The following ABHD2 variants were observed in gnomAD, a reference collection of about 807,000 sequenced individuals.
ABHD2 encodes abhydrolase domain containing 2, acylglycerol lipase.
In ABHD2, 20 loss-of-function variants were observed where a neutral mutation model predicts 48.1. That is an observed-to-expected ratio of 0.42 (90% confidence interval 0.29 to 0.60). ABHD2 has a LOEUF of 0.60. ABHD2 is among the 20% of genes least tolerant of loss of function. The pLI, the probability that ABHD2 is intolerant of heterozygous loss-of-function variation, is 0.24. For missense variants in ABHD2, 405 were observed against 550.9 expected, an observed-to-expected ratio of 0.74 and a Z score of 2.65; for synonymous variants, 209 against 214.2, an observed-to-expected ratio of 0.98 and a Z score of 0.21.
the ABHD2 span, among the ~76,000 whole-genome samples, chr15:89,068,008 T>C: frequency 1.3e-5 from 2 of 152,172 alleles, no homozygotes; most frequent in Non-Finnish European, 2.9e-5. Flanking sequence ...TTCTTTACCA[T>C]AGAAGAAGGG....
rs1458384757 is a variant in ABHD2, at chr15:89,106,047, CTCACGCCTGTAAT to C, written c.-106-7675_-106-7663del. Among the ~76,000 whole-genome samples the C allele has an allele frequency of 1.3e-5, 2 of 152,160 alleles. No individual in the cohort carries two copies. Among genetic ancestry groups the C allele is most frequent in the East Asian group, 3.9e-4 (2 of 5,180 alleles). ...CCAGAGTATTGGCCAGGTGCAGTAG[CTCACGCCTGTAAT>C]TCCAGCACTTTGGGAGGCCGAGGCA... is the stretch of plus-strand genomic sequence containing the variant. On this transcript the variant is annotated intron_variant, in intron 1 of 10. Transcript: ENST00000352732. The surrounding 1 kb of genome is among the most constrained non-coding windows in gnomAD (Gnocchi z 4.2).
chr15:89,045,896 C>T, the ABHD2 span, among the ~76,000 whole-genome samples: 1 of 152,196 alleles, frequency 6.6e-6, no homozygotes, highest in Non-Finnish European at 1.5e-5. Flanking sequence ...ATTTCCTTCT[C>T]CTGCCTGATT....
At chr15:89,169,116 A>T (rs2050880637) in intron 5 of ABHD2, among the ~76,000 whole-genome samples, 1 of 152,120 alleles carries the variant, frequency 6.6e-6, no homozygotes, top group African/African-American at 2.4e-5. Context: ...AAAAATAATA[A>T]AAGGAATCAA....
At chr15:89,099,141 C>CA (rs757800194) in intron 1 of ABHD2, among the ~76,000 whole-genome samples, 4 of 152,152 alleles carry the variant, frequency 2.6e-5, no homozygotes, top group Non-Finnish European at 4.4e-5. Context: ...TGCACTTTGT[C>CA]AGTAAGTTAG....
At chr15:89,052,969 C>CTTT in the ABHD2 span, among the ~76,000 whole-genome samples, 2 of 138,440 alleles carry the variant, frequency 1.4e-5, no homozygotes, top group Admixed American at 7.3e-5. Flanking sequence ...TGGTGGGCAG[C>CTTT]TTTTTTTTTT....
chr15:89,069,394 C>A, the ABHD2 span, among the ~76,000 whole-genome samples: 1,016 of 152,178 alleles, frequency 6.7e-3, 5 homozygotes, highest in African/African-American at 0.023. Context: ...TTCCAAGTAA[C>A]TGGGATTACA....
At position 89,176,505 on chromosome 15, in the gene ABHD2, T is replaced by A. The variant is rs2051015920; in HGVS notation, c.722+510T>A. 6.6e-6 allele frequency among the ~76,000 whole-genome samples: 1 copy of A among 152,114 alleles called. No individual in the cohort carries two copies. The highest frequency in any genetic ancestry group is 1.5e-5 in the Non-Finnish European group (1 of 68,024). On this transcript the variant is annotated intron_variant, in intron 6 of 10. Transcript: ENST00000352732. The surrounding 1 kb of genome is among the most constrained non-coding windows in gnomAD (Gnocchi z 4.5). ...TCTCTGTCAGGCATCCCAGGCATCA[T>A]CACAAAGGAGCTGATCTACTGGGTC... is the stretch of plus-strand genomic sequence containing the variant.
rs547687576 is a variant in ABHD2, at chr15:89,137,274, C to T, written c.195-14403C>T. On this transcript the variant is annotated intron_variant, in intron 3 of 10. Transcript: ENST00000352732. This position sits in a 1 kb window ranked among gnomAD's most constrained non-coding sequence, Gnocchi z 4.8. ...CCTAGGGAGGATGTGACCAGTTCCG[C>T]GTGCTGTTTGTGAACAGGAAGATAG... Among the ~76,000 whole-genome samples the T allele has an allele frequency of 1.3e-4, 20 of 152,222 alleles. No homozygotes were observed. The highest frequency in any genetic ancestry group is 4.1e-4 in the African/African-American group (17 of 41,544).
rs551795963 is a variant in ABHD2 at position 89,114,025 on chromosome 15, C to G, written c.-7+201C>G. Among the ~76,000 whole-genome samples the G allele has an allele frequency of 6.6e-6, 1 of 152,320 alleles. No homozygotes were observed. Among genetic ancestry groups the G allele is most frequent in the Non-Finnish European group, 1.5e-5 (1 of 68,036 alleles). On this transcript the variant is annotated intron_variant, in intron 2 of 10. Coordinates refer to ENST00000352732, the MANE Select transcript of ABHD2 (RefSeq NM_152924.5). The surrounding 1 kb of genome is among the most constrained non-coding windows in gnomAD (Gnocchi z 4.2). ...ATGAGGAAGAACTTCTAGTTCAGTTCTGTATTACCAGCATATAGTCAGAGA... is the reference window on the plus strand; with the variant it reads ...ATGAGGAAGAACTTCTAGTTCAGTTGTGTATTACCAGCATATAGTCAGAGA...
intron 5 of ABHD2, among the ~76,000 whole-genome samples, chr15:89,158,264 G>C (rs532969341): frequency 1.3e-4 from 20 of 152,332 alleles, no homozygotes; most frequent in African/African-American, 4.3e-4. Flanking sequence ...TTGGGCAAGG[G>C]CACAGAGCCA....
In ABHD2 at chr15:89,198,334, A is replaced by G. The variant is rs78907291; in HGVS notation, c.*2911A>G. 411 of 152,358 alleles carry G rather than the reference A, an allele frequency of 2.7e-3. No homozygotes were observed. Among genetic ancestry groups the G allele is most frequent in the African/African-American group, 9.6e-3 (401 of 41,580 alleles). 9.4% of individuals were successfully genotyped at this position (152,358 alleles called of 1,614,324 possible). A position where few individuals can be genotyped will look rare whatever the true frequency, so the allele number is the denominator to read the frequency against. On this transcript the variant is annotated 3_prime_UTR_variant, in exon 11 of 11. Transcript: ENST00000352732. The surrounding 1 kb of genome is among the most constrained non-coding windows in gnomAD (Gnocchi z 5.1). The stretch of plus-strand genomic sequence containing the variant: ...CACTCCGTGTCTCATAAGCAATTTG[A>G]AGACACTTACAAGTAACTGATTCCA...
chr15:89,195,371 G>A lies in ABHD2; in HGVS notation c.1226G>A (p.Arg409His), dbSNP rs377476890. ...GCCAACGCCATTTGCCAATGGGAGC[G>A]TAACAAGTTGCAGTGCTCTGACACG... The part of the protein sequence containing the change: ...EYANAICQWE[R>H]NKLQCSDTEQ... Residue 409 changes from arginine (R) to histidine (H), a missense_variant, in exon 11 of 11, where the codon CGT (arginine) becomes CAT (histidine). Transcript: ENST00000352732. This position sits in a 1 kb window ranked among gnomAD's most constrained non-coding sequence, Gnocchi z 5.1. 3.3e-5 allele frequency: 54 copies of A among 1,614,068 alleles called. No individual in the cohort carries two copies. The highest frequency in any genetic ancestry group is 8.8e-5 in the South Asian group (8 of 91,094).
rs184132638 is a variant in ABHD2 at position 89,100,500 on chromosome 15, G to A, written c.-107+11937G>A. Among the ~76,000 whole-genome samples, 1 of 152,042 alleles carries A rather than the reference G, an allele frequency of 6.6e-6. No individual in the cohort carries two copies. The highest frequency in any genetic ancestry group is 2.4e-5 in the African/African-American group (1 of 41,372). On this transcript the variant is annotated intron_variant, in intron 1 of 10. Coordinates refer to ENST00000352732, the MANE Select transcript of ABHD2 (RefSeq NM_152924.5). This position sits in a 1 kb window ranked among gnomAD's most constrained non-coding sequence, Gnocchi z 4.4. Reference sequence around the variant, plus strand: ...GTAGCCTCTCTACCCCACCACCAATGTACATCTACAGAAAGCATCTCAATG... The same window carrying A: ...GTAGCCTCTCTACCCCACCACCAATATACATCTACAGAAAGCATCTCAATG...
chr15:89,063,528 A>T, the ABHD2 span, among the ~76,000 whole-genome samples: 1 of 151,796 alleles, frequency 6.6e-6, no homozygotes, highest in Non-Finnish European at 1.5e-5. Flanking sequence ...TCTCTCTCTC[A>T]CACATGCACA....
rs150079355 is a variant in ABHD2 at position 89,175,970 on chromosome 15, G to A, written c.697G>A (p.Val233Met). 33 of 1,611,998 alleles carry A rather than the reference G, an allele frequency of 2.0e-5. No individual in the cohort carries two copies. In the South Asian group the frequency reaches 2.3e-4, roughly 11 times the overall value. Residue 233 changes from valine to methionine, a missense_variant, in exon 6 of 11, where the codon GTG becomes ATG. By Grantham distance (21) the Val-to-Met change is conservative (BLOSUM62 1). Coordinates refer to ENST00000352732, the MANE Select transcript of ABHD2 (RefSeq NM_152924.5). This position sits in a 1 kb window ranked among gnomAD's most constrained non-coding sequence, Gnocchi z 5.7. ...AGAGAAGGTCCTGTGCTGCGTCAGCGTGTGCCAGGGGTACAGTGCACTGAG... is the reference window on the plus strand; with the variant it reads ...AGAGAAGGTCCTGTGCTGCGTCAGCATGTGCCAGGGGTACAGTGCACTGAG... ...NQEKVLCCVS[V>M]CQGYSALRAQ...
At chr15:89,163,619 T>C (rs1188883618) in intron 5 of ABHD2, among the ~76,000 whole-genome samples, 2 of 152,230 alleles carry the variant, frequency 1.3e-5, no homozygotes, top group Non-Finnish European at 2.9e-5. Flanking sequence ...ACCACCTCTG[T>C]GGTAGTGTTC....
chr15:89,092,957 G>A lies in ABHD2; in HGVS notation c.-107+4394G>A, dbSNP rs1434486338. Among the ~76,000 whole-genome samples, 1 of 152,086 alleles carries A rather than the reference G, an allele frequency of 6.6e-6. No individual in the cohort carries two copies. Among genetic ancestry groups the A allele is most frequent in the Non-Finnish European group, 1.5e-5 (1 of 68,032 alleles). On this transcript the variant is annotated intron_variant, in intron 1 of 10. Coordinates refer to ENST00000352732, the MANE Select transcript of ABHD2 (RefSeq NM_152924.5). The surrounding 1 kb of genome is among the most constrained non-coding windows in gnomAD (Gnocchi z 4.4). ...GCAAATATTTTTCTTTTCTGTGAGA[G>A]CCCGGGGGAGGTGCAGGGGAGCTTC...
At chr15:89,117,826 T>C (rs1283528700) in intron 3 of ABHD2, among the ~76,000 whole-genome samples, 1 of 152,214 alleles carries the variant, frequency 6.6e-6, no homozygotes, top group East Asian at 1.9e-4. Flanking sequence ...CTGCTTTGTG[T>C]AGTTGTCTAG....
intron 3 of ABHD2, among the ~76,000 whole-genome samples, chr15:89,117,438 A>T (rs2049979427): frequency 6.6e-6 from 1 of 152,202 alleles, no homozygotes; most frequent in South Asian, 2.1e-4. Flanking sequence ...TTTTCAAGAG[A>T]TGCAGTGTTC....
Sources: gnomAD v4.1 joint callset for allele counts (sites outside exome capture counted in the v4.1 genomes callset) on GRCh38, gnomAD v4.1.1 for gene constraint, Gnocchi (gnomAD v3.1) non-coding constraint, MANE v1.5 for transcripts, NCBI Gene and HGNC (gene_info 2026-07-23, HGNC 2026-07-21) for gene names.